The following KCTD15 variants were observed in gnomAD, a reference collection of about 807,000 sequenced individuals.
The protein encoded by KCTD15 is BTB/POZ domain-containing protein KCTD15.
In KCTD15, 11 loss-of-function variants were observed where a neutral mutation model predicts 27.2. The observed-to-expected ratio is 0.41, with a 90% CI of 0.25 to 0.67. The LOEUF is 0.67. KCTD15 is among the 30% of genes least tolerant of loss of function. The pLI is 0.35. For missense variants in KCTD15, 350 were observed against 409.3 expected, an observed-to-expected ratio of 0.86 and a Z score of 1.25; for synonymous variants, 163 against 176.0, an observed-to-expected ratio of 0.93 and a Z score of 0.58.
Position 33,801,207 on chromosome 19 carries a change from CTG to C in KCTD15, c.111_112del (p.Leu40GlyfsTer39). 6.2e-7 allele frequency: 1 copy of C among 1,612,662 alleles called. No individual in the cohort carries two copies. The highest frequency in any genetic ancestry group is 8.5e-7 in the Non-Finnish European group (1 of 1,179,342). On this transcript the variant is annotated frameshift_variant, in exon 4 of 7. Transcript: ENST00000683859. LOFTEE classifies it high-confidence loss of function. ...TCCCGGCTGTCTCTCACCCGGTCGCCTGTGTCTCCCCTGGCTGCCCAGGGCAT... is the reference window on the plus strand; with the variant it reads ...TCCCGGCTGTCTCTCACCCGGTCGCCTGTCTCCCCTGGCTGCCCAGGGCAT...
At chr19:33,799,548 G>T (rs1281676718) in intron 2 of KCTD15, 1 of 152,276 alleles carries the variant, frequency 6.6e-6, no homozygotes, top group Non-Finnish European at 1.5e-5. Flanking sequence ...CCTGCAAAGC[G>T]CCCCTGGGTG....
Position 33,813,210 on chromosome 19 carries a change from G to A in KCTD15, c.*262G>A, listed in dbSNP as rs576346514. ...CCAGCTCTCCCAGCCCCTCAGCTTC[G>A]CAGCCTGGCGCAGCATCCTCTGAGG... is the stretch of plus-strand genomic sequence containing the variant. On this transcript the variant is annotated 3_prime_UTR_variant, in exon 7 of 7. Coordinates refer to ENST00000683859, the MANE Select transcript of KCTD15 (RefSeq NM_001129994.2). 119 of 629,506 alleles carry A rather than the reference G, an allele frequency of 1.9e-4. No individual in the cohort carries two copies. Among genetic ancestry groups the A allele is most frequent in the Admixed American group, 1.4e-3 (61 of 43,358 alleles). The allele number at this position is 629,506 out of a possible 1,614,324, so 39.0% of individuals were successfully genotyped here.
At chr19:33,811,686 C>T (rs1195310237) in intron 6 of KCTD15, 134 bp downstream of exon 6, 1 of 1,519,320 alleles carries the variant, frequency 6.6e-7, no homozygotes, top group South Asian at 1.2e-5. Context: ...AAAAAGGCAA[C>T]AATGTGTCGA....
chr19:33,807,854 C>G lies in KCTD15; in HGVS notation c.387+847C>G, dbSNP rs551731102. ...ACTTGGGAAGCTGAGGCAGGAGAAT[C>G]TCTTGAACCCAGGAGGTGGAGGCGG... On this transcript the variant is annotated intron_variant, in intron 5 of 6. Coordinates refer to ENST00000683859, the MANE Select transcript of KCTD15 (RefSeq NM_001129994.2). 2.4e-3 allele frequency among the ~76,000 whole-genome samples: 367 copies of G among 152,114 alleles called. 6 individuals are homozygous for G. Among genetic ancestry groups the G allele is most frequent in the Middle Eastern group, 0.014 (4 of 292 alleles).
At chr19:33,809,149 C>T (rs1975804866) in intron 5 of KCTD15, among the ~76,000 whole-genome samples, 1 of 151,906 alleles carries the variant, frequency 6.6e-6, no homozygotes. Context: ...TGGTGGTGTG[C>T]ACCTGTAGTC....
At chr19:33,807,613 G>A (rs1351174790) in intron 5 of KCTD15, among the ~76,000 whole-genome samples, 4 of 152,132 alleles carry the variant, frequency 2.6e-5, no homozygotes, top group South Asian at 4.1e-4. Flanking sequence ...CCAGCTACTC[G>A]GGAGGCTGAG....
At position 33,811,313 on chromosome 19, in the gene KCTD15, C is replaced by T. The variant is rs1210569734; in HGVS notation, c.454C>T (p.Arg152Cys). 1.3e-6 allele frequency: 2 copies of T among 1,550,480 alleles called. No homozygotes were observed. Among genetic ancestry groups the T allele is most frequent in the South Asian group, 1.2e-5 (1 of 84,254 alleles). The change falls in exon 6 of 7, where the codon CGC becomes TGC. Residue 152 changes from arginine to cysteine, a missense_variant. Around this residue, in one of 3 missense-constraint regions of KCTD15, gnomAD observed 219 missense variants for 234.9 expected, o/e 0.93. Coordinates refer to ENST00000683859, the MANE Select transcript of KCTD15 (RefSeq NM_001129994.2). The stretch of plus-strand genomic sequence containing the variant: ...CCAGCCCATGGTGCGCGAGCTGGAG[C>T]GCTGGCAGCAGGAGCAGGAGCAGCG... The part of the protein sequence containing the change: ...QLQPMVRELE[R>C]WQQEQEQRRR...
intron 4 of KCTD15, 87 bp downstream of exon 4, chr19:33,801,429 ACT>A: frequency 1.7e-6 from 2 of 1,181,888 alleles, no homozygotes; most frequent in Non-Finnish European, 2.3e-6. Context: ...GTCTCTCCCC[ACT>A]GTCACTCCAC....
At chr19:33,797,283 T>TGTGTGTGC (rs1161099493) in intron 1 of KCTD15, 9 of 120,730 alleles carry the variant, frequency 7.5e-5, no homozygotes, top group East Asian at 2.2e-4. Flanking sequence ...TGTGTGTGTG[T>TGTGTGTGC]GCGCGCGCGC....
At chr19:33,806,839 T>C in intron 4 of KCTD15, 24 bp from the exon 5 acceptor site, 2 of 1,610,422 alleles carry the variant, frequency 1.2e-6, no homozygotes, top group Non-Finnish European at 8.5e-7. Context: ...CCTTCAGACA[T>C]CCCACCTCGC....
upstream of KCTD15, among the ~76,000 whole-genome samples, chr19:33,794,537 G>A (rs1470110355): frequency 1.3e-5 from 2 of 152,210 alleles, no homozygotes; most frequent in Non-Finnish European, 2.9e-5. Flanking sequence ...GGCGCTGGGG[G>A]CCACAGGAGC....
At position 33,813,473 on chromosome 19, in the gene KCTD15, G is replaced by C; in HGVS notation, c.*525G>C. 1 of 444,060 alleles carries C rather than the reference G, an allele frequency of 2.3e-6. No individual in the cohort carries two copies. Among genetic ancestry groups the C allele is most frequent in the Non-Finnish European group, 4.5e-6 (1 of 221,272 alleles). The allele number at this position is 444,060 out of a possible 1,614,324, so 27.5% of individuals were successfully genotyped here. A position where few individuals can be genotyped will look rare whatever the true frequency, so the allele number is the denominator to read the frequency against. Reference sequence around the variant, plus strand: ...CAGTCAGACGTGCAGCATGGCTGCAGGGTGGACCAGCTGCCTGGCATTCAG... The same window carrying C: ...CAGTCAGACGTGCAGCATGGCTGCACGGTGGACCAGCTGCCTGGCATTCAG... On this transcript the variant is annotated 3_prime_UTR_variant, in exon 7 of 7. Transcript: ENST00000683859.
At chr19:33,809,455 G>A (rs1215248145) in intron 5 of KCTD15, among the ~76,000 whole-genome samples, 1 of 152,194 alleles carries the variant, frequency 6.6e-6, no homozygotes, top group African/African-American at 2.4e-5. Context: ...GAGGCCCGGG[G>A]TGGACCAGGC....
At chr19:33,805,976 A>C (rs1419682922) in intron 4 of KCTD15, among the ~76,000 whole-genome samples, 5 of 152,194 alleles carry the variant, frequency 3.3e-5, no homozygotes, top group African/African-American at 1.2e-4. Context: ...CCTTCAGAGG[A>C]CAGGGTACCG....
chr19:33,813,309 C>A lies in KCTD15; in HGVS notation c.*361C>A, dbSNP rs73039070. 1.9e-6 allele frequency: 1 copy of A among 537,578 alleles called. No individual in the cohort carries two copies. Among genetic ancestry groups the A allele is most frequent in the Non-Finnish European group, 3.6e-6 (1 of 280,490 alleles). The allele number at this position is 537,578 out of a possible 1,614,324, so 33.3% of individuals were successfully genotyped here. A position where few individuals can be genotyped will look rare whatever the true frequency, so the allele number is the denominator to read the frequency against. Reference sequence around the variant, plus strand: ...CAGAGGAGCTGTTTATCCCTCTCCACGCGGGGCAGACTCTGGCGGGTCTCC... The same window carrying A: ...CAGAGGAGCTGTTTATCCCTCTCCAAGCGGGGCAGACTCTGGCGGGTCTCC... On this transcript the variant is annotated 3_prime_UTR_variant, in exon 7 of 7. Transcript: ENST00000683859.
In KCTD15 at chr19:33,812,965, C is replaced by T. The variant is rs1176896103; in HGVS notation, c.*17C>T. 10 of 1,531,154 alleles carry T rather than the reference C, an allele frequency of 6.5e-6. No individual in the cohort carries two copies. The highest frequency in any genetic ancestry group is 8.8e-6 in the Non-Finnish European group (10 of 1,139,802). 94.8% of individuals were successfully genotyped at this position (1,531,154 alleles called of 1,614,324 possible). A position where few individuals can be genotyped will look rare whatever the true frequency, so the allele number is the denominator to read the frequency against. On this transcript the variant is annotated 3_prime_UTR_variant, in exon 7 of 7. Coordinates refer to ENST00000683859, the MANE Select transcript of KCTD15 (RefSeq NM_001129994.2). ...CTGGACTAGGCCCTGCTTCAGTGCC[C>T]ACCTGGGCCCCCCCAGGGACCTGGA...
chr19:33,812,159 G>T (rs1020274923), intron 6 of KCTD15: 1 of 1,185,954 alleles, frequency 8.4e-7, no homozygotes, highest in Non-Finnish European at 1.0e-6. Flanking sequence ...CAGCCTGTCG[G>T]TCAGAACTTG....
intron 6 of KCTD15, chr19:33,811,921 T>C (rs1599690579): frequency 1.3e-6 from 2 of 1,555,222 alleles, no homozygotes; most frequent in South Asian, 1.2e-5. Context: ...GGAAAGGTGG[T>C]CTGGAGCCCC....
At chr19:33,794,592 G>A (rs1975264642), upstream of KCTD15, among the ~76,000 whole-genome samples, 1 of 152,160 alleles carries the variant, frequency 6.6e-6, no homozygotes, top group Admixed American at 6.5e-5. Flanking sequence ...TCCAACACAA[G>A]CCTGCTCCAC....
Sources: allele counts gnomAD v4.1 joint callset (sites outside exome capture counted in the v4.1 genomes callset), GRCh38; gene constraint gnomAD v4.1.1; regional missense constraint gnomAD v4.1.1; transcripts MANE v1.5; gene names NCBI Gene and HGNC (gene_info 2026-07-23, HGNC 2026-07-21).